TBC1D5: variants seen among roughly 807,000 people sequenced by gnomAD.
TBC1D5 encodes the protein TBC1 domain family member 5.
TBC1D5 carries 75 observed loss-of-function variants against 100.3 expected under a neutral mutation model. The observed-to-expected ratio is 0.75, with a 90% CI of 0.62 to 0.91. TBC1D5 has a LOEUF of 0.91. Among genes scored for constraint, TBC1D5 ranks in the 40% least tolerant of loss-of-function variants. The pLI is 0.00. For synonymous variants in TBC1D5, 323 were observed against 325.6 expected (o/e 0.99, Z 0.09); for missense variants, 910 against 942.4 (o/e 0.97, Z 0.45).
intron 19 of TBC1D5, among the ~76,000 whole-genome samples, chr3:17,183,746 T>A (rs1353418419): frequency 3.3e-5 from 5 of 152,182 alleles, no homozygotes; most frequent in African/African-American, 4.8e-5. Flanking sequence ...ACATTTATTA[T>A]TTTACTGAGG....
At chr3:17,406,117 C>G (rs1416332465) in intron 5 of TBC1D5, among the ~76,000 whole-genome samples, 1 of 152,082 alleles carries the variant, frequency 6.6e-6, no homozygotes, top group African/African-American at 2.4e-5. Context: ...TGCAAATCTT[C>G]AAGAATTTCT....
chr3:17,420,226 T>C (rs1209100010), intron 4 of TBC1D5, among the ~76,000 whole-genome samples: 2 of 151,668 alleles, frequency 1.3e-5, no homozygotes, highest in East Asian at 1.9e-4. Context: ...AAAATAAAGA[T>C]ATAGACAAAC....
chr3:17,720,720 G>T (rs1011341617), intron 1 of TBC1D5, among the ~76,000 whole-genome samples: 1 of 152,156 alleles, frequency 6.6e-6, no homozygotes, highest in Non-Finnish European at 1.5e-5. Context: ...TCACTTGAGT[G>T]GGGAGGATCT....
intron 16 of TBC1D5, among the ~76,000 whole-genome samples, chr3:17,252,747 C>T (rs2077282362): frequency 6.6e-6 from 1 of 152,200 alleles, no homozygotes; most frequent in South Asian, 2.1e-4. Flanking sequence ...TCCCAGGGTA[C>T]ACAAAGATTC....
chr3:17,618,171 T>C (rs537600612), intron 2 of TBC1D5, among the ~76,000 whole-genome samples: 1 of 152,216 alleles, frequency 6.6e-6, no homozygotes, highest in Non-Finnish European at 1.5e-5. Flanking sequence ...TGCAGGTCTG[T>C]TGGAGTTTGC....
chr3:17,280,412 T>A (rs532984758), intron 15 of TBC1D5, among the ~76,000 whole-genome samples: 3 of 152,130 alleles, frequency 2.0e-5, no homozygotes, highest in Non-Finnish European at 2.9e-5. Context: ...AAGTTGCCTT[T>A]TCCAAAACCA....
At chr3:17,308,365 A>G (rs1489625591) in intron 13 of TBC1D5, among the ~76,000 whole-genome samples, 1 of 152,180 alleles carries the variant, frequency 6.6e-6, no homozygotes, top group Non-Finnish European at 1.5e-5. Context: ...ATACATATAT[A>G]TGAAAAAAGT....
chr3:17,724,674 C>G (rs2075979002), intron 1 of TBC1D5, among the ~76,000 whole-genome samples: 1 of 152,186 alleles, frequency 6.6e-6, no homozygotes, highest in Non-Finnish European at 1.5e-5. Context: ...GAAACATTCT[C>G]AACTATTATC....
chr3:17,491,190 CA>C (rs1413690124), intron 3 of TBC1D5, among the ~76,000 whole-genome samples: 1 of 152,164 alleles, frequency 6.6e-6, no homozygotes. Context: ...AGTCAGTTAT[CA>C]GCTTAAAAAG....
intron 4 of TBC1D5, among the ~76,000 whole-genome samples, chr3:17,419,832 T>C (rs1289887012): frequency 6.6e-6 from 1 of 152,110 alleles, no homozygotes; most frequent in Non-Finnish European, 1.5e-5. Flanking sequence ...TGTGCCACCA[T>C]GCCTGACTAA....
intron 18 of TBC1D5, among the ~76,000 whole-genome samples, chr3:17,199,029 A>C (rs894370969): frequency 2.0e-5 from 3 of 152,244 alleles, no homozygotes; most frequent in African/African-American, 4.8e-5. Flanking sequence ...CATACTAAAT[A>C]AAGACAGTCT....
chr3:17,448,669 C>A (rs541444903), intron 3 of TBC1D5, among the ~76,000 whole-genome samples: 65 of 152,292 alleles, frequency 4.3e-4, no homozygotes, highest in African/African-American at 1.5e-3. Context: ...TCTTCTTTTT[C>A]TGATCAGTAG....
intron 3 of TBC1D5, among the ~76,000 whole-genome samples, chr3:17,452,668 A>G (rs1303545780): frequency 1.3e-5 from 2 of 152,310 alleles, no homozygotes; most frequent in Admixed American, 6.5e-5. Flanking sequence ...TATAAAGCAA[A>G]TATTATTAAA....
intron 3 of TBC1D5, among the ~76,000 whole-genome samples, chr3:17,494,335 A>C (rs2150622678): frequency 6.6e-6 from 1 of 152,246 alleles, no homozygotes; most frequent in East Asian, 1.9e-4. Context: ...CAGCTGAAAC[A>C]TTTCTGTATA....
chr3:17,245,022 CAAAAAA>C (rs34531807), intron 16 of TBC1D5, among the ~76,000 whole-genome samples: 3 of 35,362 alleles, frequency 8.5e-5, no homozygotes, highest in African/African-American at 3.3e-4. Flanking sequence ...CCTGTCTCTA[CAAAAAA>C]AAAAAAAAAA....
intron 3 of TBC1D5, among the ~76,000 whole-genome samples, chr3:17,437,404 A>T (rs1006542094): frequency 3.3e-5 from 5 of 152,274 alleles, no homozygotes; most frequent in African/African-American, 1.2e-4. Context: ...ATGTCGTAGA[A>T]ATATAACAGA....
At chr3:17,256,312 T>A (rs1253722077) in intron 16 of TBC1D5, among the ~76,000 whole-genome samples, 1 of 151,118 alleles carries the variant, frequency 6.6e-6, no homozygotes, top group East Asian at 1.9e-4. Context: ...TGTTAAGCTT[T>A]GCAATTGCAA....
chr3:17,157,824 A>G (rs1201863514), exon 22 of TBC1D5: 1 of 152,284 alleles, frequency 6.6e-6, no homozygotes, highest in Non-Finnish European at 1.5e-5. Flanking sequence ...CTGACAAAGT[A>G]GAGGAGGCAT....
At chr3:17,454,434 AATCAACAT>A (rs551015611) in intron 3 of TBC1D5, among the ~76,000 whole-genome samples, 8 of 152,172 alleles carry the variant, frequency 5.3e-5, no homozygotes, top group Non-Finnish European at 1.0e-4. Flanking sequence ...CAGGATACAA[AATCAACAT>A]ATAAAAATCA....
Sources: allele counts gnomAD v4.1 joint callset (sites outside exome capture counted in the v4.1 genomes callset), GRCh38; gene constraint gnomAD v4.1.1; transcripts MANE v1.5; gene names NCBI Gene and HGNC (gene_info 2026-07-23, HGNC 2026-07-21).